Variants in DRAM2 observed in about 807,000 individuals in gnomAD.
DRAM2 encodes the protein DNA damage regulated autophagy modulator 2, also known as DNA damage-regulated autophagy modulator protein 2.
In DRAM2, 26 loss-of-function variants were observed where a neutral mutation model predicts 33.5. That is an observed-to-expected ratio of 0.78 (90% CI 0.57 to 1.08). The LOEUF is 1.08. DRAM2 is among the 50% of genes least tolerant of loss of function. The pLI is 0.00. For synonymous variants in DRAM2, 98 were observed against 109.5 expected (o/e 0.89, Z 0.66); for missense variants, 311 against 318.1 (o/e 0.98, Z 0.17).
intron 4 of DRAM2, among the ~76,000 whole-genome samples, chr1:111,128,584 A>C (rs1441753213): frequency 6.6e-6 from 1 of 152,190 alleles, no homozygotes; most frequent in Non-Finnish European, 1.5e-5. Context: ...TTAACATAAA[A>C]TGGTGTAGTA....
At chr1:111,127,380 A>G (rs773580056) in intron 4 of DRAM2, among the ~76,000 whole-genome samples, 2 of 152,154 alleles carry the variant, frequency 1.3e-5, no homozygotes, top group Non-Finnish European at 2.9e-5. Flanking sequence ...CATTTAGATT[A>G]GGGGTGTTAG....
At chr1:111,125,924 C>G (rs1650915429) in intron 5 of DRAM2, among the ~76,000 whole-genome samples, 2 of 152,192 alleles carry the variant, frequency 1.3e-5, no homozygotes, top group South Asian at 4.1e-4. Flanking sequence ...CTCTTTGTTC[C>G]TTACTGGTTG....
At chr1:111,138,030 AT>A (rs1309360519) in intron 2 of DRAM2, among the ~76,000 whole-genome samples, 1 of 152,232 alleles carries the variant, frequency 6.6e-6, no homozygotes, top group Non-Finnish European at 1.5e-5. Flanking sequence ...ATTTCAGGCA[AT>A]TTACTTAGCT....
At position 111,139,571 on chromosome 1, in the gene DRAM2, T is replaced by TGCAGTTACCAAGAA. The variant is rs1654093706; in HGVS notation, c.-150_-149insTTCTTGGTAACTGC. The TGCAGTTACCAAGAA allele has an allele frequency of 6.6e-6, 1 of 152,282 alleles. No individual in the cohort carries two copies. The highest frequency in any genetic ancestry group is 1.5e-5 in the Non-Finnish European group (1 of 68,094). 9.4% of individuals were successfully genotyped at this position (152,282 alleles called of 1,614,324 possible). A position where few individuals can be genotyped will look rare whatever the true frequency, so the allele number is the denominator to read the frequency against. ...GTGGGAAAGGGTTGAAGATTCTTGG[T>TGCAGTTACCAAGAA]AACTGCTTCAACAAACCAGAGGAAT... On this transcript the variant is annotated 5_prime_UTR_variant, in exon 2 of 10. Transcript: ENST00000484310.
At position 111,118,254 on chromosome 1, in the gene DRAM2, C is replaced by A; in HGVS notation, c.707G>T (p.Arg236Leu). 2.5e-6 allele frequency: 4 copies of A among 1,610,420 alleles called. No individual in the cohort carries two copies. The highest frequency in any genetic ancestry group is 3.4e-6 in the Non-Finnish European group (4 of 1,178,380). ...YIRDFQKISL[R>L]VEANLHGLTL... ...TAATCCATGTAAATTGGCTTCCACC[C>A]GTAAAGAAATTTTCTGGAACAGAAA... Residue 236 changes from arginine (R) to leucine (L), a missense_variant, in exon 10 of 10, where the codon CGG (arginine) becomes CTG (leucine). Coordinates refer to ENST00000484310, the MANE Select transcript of DRAM2 (RefSeq NM_001349884.2).
intron 4 of DRAM2, 102 bp from the exon 5 acceptor site, chr1:111,126,396 C>T (rs1181740190): frequency 5.9e-6 from 4 of 677,054 alleles, no homozygotes; most frequent in Non-Finnish European, 1.1e-5. Context: ...AACCTCTTAT[C>T]TTTTATAAAT....
chr1:111,139,342 C>G (rs1571088508), intron 2 of DRAM2, among the ~76,000 whole-genome samples, 159 bp downstream of exon 2: 2 of 152,142 alleles, frequency 1.3e-5, no homozygotes, highest in East Asian at 3.8e-4. Flanking sequence ...TACCCAGGAC[C>G]AGCAATTTCC....
rs141910363 is a variant in DRAM2 at position 111,117,309 on chromosome 1, T to C, written c.*851A>G. On this transcript the variant is annotated 3_prime_UTR_variant, in exon 10 of 10. Transcript: ENST00000484310. ...ACATGTAATTATAACTTGCCATAAA[T>C]GAAAATCTAAGAAGCTCTTGAGTAT... is the stretch of plus-strand genomic sequence containing the variant. 114 of 152,248 alleles carry C rather than the reference T, an allele frequency of 7.5e-4. No homozygotes were observed. Among genetic ancestry groups the C allele is most frequent in the African/African-American group, 2.6e-3 (108 of 41,574 alleles). The allele number at this position is 152,248 out of a possible 1,614,324, so 9.4% of individuals were successfully genotyped here. A position where few individuals can be genotyped will look rare whatever the true frequency, so the allele number is the denominator to read the frequency against.
intron 6 of DRAM2, among the ~76,000 whole-genome samples, chr1:111,122,263 T>C (rs6700898): frequency 0.029 from 4,363 of 152,220 alleles, 99 homozygotes; most frequent in Middle Eastern, 0.061. Flanking sequence ...TACTGCAATA[T>C]GAAGAAATGA....
chr1:111,120,688 T>A lies in DRAM2; in HGVS notation c.345A>T (p.Thr115=). The A allele has an allele frequency of 6.5e-7, 1 of 1,531,656 alleles. No individual in the cohort carries two copies. The highest frequency in any genetic ancestry group is 8.8e-7 in the Non-Finnish European group (1 of 1,137,432). 94.9% of individuals were successfully genotyped at this position (1,531,656 alleles called of 1,614,324 possible). Residue 115 remains threonine, a synonymous_variant, in exon 7 of 10, where the codon ACA becomes ACT. Coordinates refer to ENST00000484310, the MANE Select transcript of DRAM2 (RefSeq NM_001349884.2). The part of the protein sequence containing the change: ...GLSIVANFQK[T]TLFAAHVSGA... Reference sequence around the variant, plus strand: ...CACTTACATGTGCAGCAAAAAGGGTTGTTTTCTGAGAGATAGAGAGAAGAA... The same window carrying A: ...CACTTACATGTGCAGCAAAAAGGGTAGTTTTCTGAGAGATAGAGAGAAGAA...
At chr1:111,120,488 T>C in intron 7 of DRAM2, 28 bp downstream of exon 7, 2 of 1,467,636 alleles carry the variant, frequency 1.4e-6, no homozygotes, top group Non-Finnish European at 1.8e-6. Flanking sequence ...CCTTTCCAAG[T>C]GTAGCCACAT....
intron 9 of DRAM2, 77 bp from the exon 10 acceptor site, chr1:111,118,344 T>C (rs530362074): frequency 2.2e-6 from 2 of 912,612 alleles, no homozygotes; most frequent in Admixed American, 4.9e-5. Context: ...TTCTATAGGC[T>C]ACCTTGTGAT....
chr1:111,122,111 T>G (rs1367308993), intron 6 of DRAM2, among the ~76,000 whole-genome samples: 1 of 152,132 alleles, frequency 6.6e-6, no homozygotes, highest in Non-Finnish European at 1.5e-5. Flanking sequence ...TTGAGTTAGT[T>G]AGGCAGTTTG....
intron 3 of DRAM2, among the ~76,000 whole-genome samples, chr1:111,135,781 G>A (rs1238382416): frequency 4.6e-5 from 7 of 152,094 alleles, no homozygotes; most frequent in Admixed American, 2.6e-4. Flanking sequence ...AATTGAGGAC[G>A]GTGTCTTTAG....
chr1:111,137,519 T>C lies in DRAM2; in HGVS notation c.-15+4A>G, dbSNP rs1218375385. 6.6e-6 allele frequency: 1 copy of C among 152,222 alleles called. No individual in the cohort carries two copies. The highest frequency in any genetic ancestry group is 1.5e-5 in the Non-Finnish European group (1 of 68,040). The allele number at this position is 152,222 out of a possible 1,614,324, so 9.4% of individuals were successfully genotyped here. On this transcript the variant is annotated splice_donor_region_variant and intron_variant, in intron 3 of 9. Coordinates refer to ENST00000484310, the MANE Select transcript of DRAM2 (RefSeq NM_001349884.2). Reference sequence around the variant, plus strand: ...TTCCTCTTATAATGTGAAAAATGAATTACCTGTTTTACAACTTCACAAAAT... The same window carrying C: ...TTCCTCTTATAATGTGAAAAATGAACTACCTGTTTTACAACTTCACAAAAT...
At chr1:111,126,697 A>G (rs1271393248) in intron 4 of DRAM2, among the ~76,000 whole-genome samples, 1 of 152,126 alleles carries the variant, frequency 6.6e-6, no homozygotes, top group East Asian at 1.9e-4. Context: ...TCTGTATTCA[A>G]TTAACGCCTA....
intron 6 of DRAM2, among the ~76,000 whole-genome samples, chr1:111,121,586 C>G (rs1650063145): frequency 6.6e-6 from 1 of 152,030 alleles, no homozygotes; most frequent in South Asian, 2.1e-4. Flanking sequence ...AGACACTTAC[C>G]ATGTAGTTAT....
chr1:111,117,962 T>C lies in DRAM2; in HGVS notation c.*198A>G. 2 of 587,918 alleles carry C rather than the reference T, an allele frequency of 3.4e-6. No homozygotes were observed. The allele number at this position is 587,918 out of a possible 1,614,324, so 36.4% of individuals were successfully genotyped here. A position where few individuals can be genotyped will look rare whatever the true frequency, so the allele number is the denominator to read the frequency against. ...AAAAAAGTATAGGCATAGGTGTTTT[T>C]AATAGTCTTCTTGATGATATCCTTT... On this transcript the variant is annotated 3_prime_UTR_variant, in exon 10 of 10. Coordinates refer to ENST00000484310, the MANE Select transcript of DRAM2 (RefSeq NM_001349884.2).
Position 111,118,052 on chromosome 1 carries a change from C to T in DRAM2, c.*108G>A, listed in dbSNP as rs1321069875. 8.5e-6 allele frequency: 8 copies of T among 940,610 alleles called. No homozygotes were observed. The highest frequency in any genetic ancestry group is 1.6e-5 in the African/African-American group (1 of 61,764). The allele number at this position is 940,610 out of a possible 1,614,324, so 58.3% of individuals were successfully genotyped here. A position where few individuals can be genotyped will look rare whatever the true frequency, so the allele number is the denominator to read the frequency against. ...TATCAGCATTCATCAGTGTTACTGT[C>T]AGCCTTGATTAAGTGGTTGAAAATT... On this transcript the variant is annotated 3_prime_UTR_variant, in exon 10 of 10. Coordinates refer to ENST00000484310, the MANE Select transcript of DRAM2 (RefSeq NM_001349884.2).
Sources: gnomAD v4.1 joint callset for allele counts (sites outside exome capture counted in the v4.1 genomes callset) on GRCh38, gnomAD v4.1.1 for gene constraint, MANE v1.5 for transcripts, NCBI Gene and HGNC (gene_info 2026-07-23, HGNC 2026-07-21) for gene names.